The following ALG9 variants were observed in gnomAD, a reference collection of about 807,000 sequenced individuals.
ALG9 encodes the protein ALG9 alpha-1,2-mannosyltransferase, also known as alpha-1,2-mannosyltransferase ALG9.
ALG9 carries 55 observed loss-of-function variants against 81.8 expected under a neutral mutation model. The ratio of observed to expected loss-of-function variants is 0.67; its 90% CI spans 0.54 to 0.84. ALG9 has a LOEUF of 0.84. ALG9 is among the 40% of genes least tolerant of loss of function. The pLI is 0.00. For synonymous variants in ALG9, 278 were observed against 274.3 expected (o/e 1.01, Z -0.13); for missense variants, 629 against 745.0 (o/e 0.84, Z 1.81).
intron 6 of ALG9, among the ~76,000 whole-genome samples, chr11:111,856,951 T>C (rs1388436683): frequency 6.6e-6 from 1 of 151,914 alleles, no homozygotes; most frequent in Non-Finnish European, 1.5e-5. Context: ...TACTAAAAAA[T>C]ACAAAATTAG....
intron 13 of ALG9, among the ~76,000 whole-genome samples, chr11:111,832,329 T>C (rs1954514614): frequency 2.0e-5 from 3 of 152,164 alleles, no homozygotes; most frequent in Admixed American, 2.0e-4. Context: ...CAGGCTGGAG[T>C]GTAGTGGCAT....
At chr11:111,831,016 T>C (rs1256867327) in intron 13 of ALG9, among the ~76,000 whole-genome samples, 1 of 152,006 alleles carries the variant, frequency 6.6e-6, no homozygotes, top group Non-Finnish European at 1.5e-5. Flanking sequence ...ACAAAAAATT[T>C]AAAAATTAGC....
chr11:111,866,162 T>C lies in ALG9; in HGVS notation c.406-911A>G, dbSNP rs543001587. Among the ~76,000 whole-genome samples the C allele has an allele frequency of 5.9e-5, 9 of 152,176 alleles. No individual in the cohort carries two copies. In the South Asian group the frequency reaches 1.9e-3, roughly 32 times the overall value. On this transcript the variant is annotated intron_variant, in intron 3 of 14. Transcript: ENST00000616540. ...ATACAAAAAAATTAGCCAGGCATGG[T>C]GGCGGGCAACTGTAACCCCAGCTAC...
chr11:111,800,221 C>G (rs1179331112), intron 14 of ALG9, among the ~76,000 whole-genome samples: 1 of 152,116 alleles, frequency 6.6e-6, no homozygotes, highest in Admixed American at 6.5e-5. Flanking sequence ...TGGCTCACAC[C>G]TGTAATCCCA....
In ALG9 at chr11:111,838,283, G is replaced by C. The variant is rs1817696073; in HGVS notation, c.1290C>G (p.Leu430=). 1 of 1,614,154 alleles carries C rather than the reference G, an allele frequency of 6.2e-7. No homozygotes were observed. Among genetic ancestry groups the C allele is most frequent in the South Asian group, 1.1e-5 (1 of 91,084 alleles). ...LALGTVFLFG[L]LSFSRSVALF... is the part of the protein sequence containing the mutation. ...GTGCCACAGAGCGAGAAAATGACAA[G>C]AGCCCAAACAGGAAGACAGTTCCTA... Residue 430 remains leucine (L), a synonymous_variant, in exon 11 of 15, where the codon CTC becomes CTG. Transcript: ENST00000616540.
At chr11:111,769,921 T>A in the ALG9 span, among the ~76,000 whole-genome samples, 1 of 152,040 alleles carries the variant, frequency 6.6e-6, no homozygotes. Flanking sequence ...TGGACTTCAG[T>A]TCCCATCTCT....
chr11:111,827,631 C>T (rs1953577423), intron 13 of ALG9, among the ~76,000 whole-genome samples: 1 of 152,096 alleles, frequency 6.6e-6, no homozygotes, highest in Non-Finnish European at 1.5e-5. Context: ...CTTTGGGAGG[C>T]CAAGGCAGGT....
intron 14 of ALG9, among the ~76,000 whole-genome samples, chr11:111,791,597 TG>T (rs1947421689): frequency 2.0e-5 from 3 of 152,218 alleles, no homozygotes; most frequent in Non-Finnish European, 4.4e-5. Context: ...AGCCCTTGCC[TG>T]ATTGTTCCAC....
chr11:111,775,449 T>A, the ALG9 span, among the ~76,000 whole-genome samples: 4 of 152,186 alleles, frequency 2.6e-5, no homozygotes, highest in East Asian at 7.7e-4. Flanking sequence ...ATCAACTCCC[T>A]CTCTGATTTA....
chr11:111,824,516 TA>T (rs1194790817), intron 13 of ALG9, among the ~76,000 whole-genome samples: 1 of 152,222 alleles, frequency 6.6e-6, no homozygotes, highest in African/African-American at 2.4e-5. Context: ...ATCAGATGTA[TA>T]AACTTTGAGT....
rs1347100707 is a variant in ALG9, at chr11:111,840,574, T to A, written c.1173+81A>T. 3.9e-6 allele frequency: 6 copies of A among 1,527,792 alleles called. No individual in the cohort carries two copies. In the African/African-American group the frequency reaches 5.5e-5, roughly 14 times the overall value. The allele number at this position is 1,527,792 out of a possible 1,614,324, so 94.6% of individuals were successfully genotyped here. ...TAAAATATCTTAGGTGGAAGCATTC[T>A]GTAATTTGCACTTAAGTTTGTGAGC... On this transcript the variant is annotated intron_variant, in intron 10 of 14. Transcript: ENST00000616540.
In ALG9 at chr11:111,871,484, G is replaced by A. The variant is rs1964272171; in HGVS notation, c.-2C>T. On this transcript the variant is annotated 5_prime_UTR_variant, in exon 1 of 15. Coordinates refer to ENST00000616540, the MANE Select transcript of ALG9 (RefSeq NM_024740.2). Reference sequence around the variant, plus strand: ...CTGCCGAGCCCCTCGACTAGCCATGGCAAGCCTGGGGAAAAAAGAATTCGG... The same window carrying A: ...CTGCCGAGCCCCTCGACTAGCCATGACAAGCCTGGGGAAAAAAGAATTCGG... The A allele has an allele frequency of 1.3e-6, 2 of 1,536,504 alleles. No homozygotes were observed. The highest frequency in any genetic ancestry group is 1.7e-6 in the Non-Finnish European group (2 of 1,146,606).
chr11:111,786,180 CA>C lies in ALG9; in HGVS notation c.*216del. On this transcript the variant is annotated 3_prime_UTR_variant, in exon 15 of 15. Coordinates refer to ENST00000616540, the MANE Select transcript of ALG9 (RefSeq NM_024740.2). Reference sequence around the variant, plus strand: ...TTTAGGGCCTTTCTCTGCCTAGCTGCAAAAAGTTTACATGCAGAACAGAGAC... The same window carrying C: ...TTTAGGGCCTTTCTCTGCCTAGCTGCAAAAGTTTACATGCAGAACAGAGAC... The C allele has an allele frequency of 1.5e-6, 1 of 685,586 alleles. No homozygotes were observed. The allele number at this position is 685,586 out of a possible 1,614,324, so 42.5% of individuals were successfully genotyped here. A position where few individuals can be genotyped will look rare whatever the true frequency, so the allele number is the denominator to read the frequency against.
intron 5 of ALG9, 50 bp downstream of exon 5, chr11:111,860,497 T>C (rs782592309): frequency 4.0e-6 from 6 of 1,511,176 alleles, no homozygotes; most frequent in Non-Finnish European, 5.5e-6. Context: ...ATCTGCCCTT[T>C]TACTTACCTG....
At chr11:111,870,904 T>C in intron 1 of ALG9, 2 of 998,090 alleles carry the variant, frequency 2.0e-6, no homozygotes, top group Non-Finnish European at 2.4e-6. Flanking sequence ...CCTACTCCAA[T>C]TCCATATGTT....
At chr11:111,768,605 A>G in the ALG9 span, 2 of 152,078 alleles carry the variant, frequency 1.3e-5, no homozygotes, top group African/African-American at 2.4e-5. Flanking sequence ...TAAAATAATA[A>G]TAATAATGAC....
At chr11:111,797,076 T>G (rs1948403775) in intron 14 of ALG9, among the ~76,000 whole-genome samples, 1 of 152,210 alleles carries the variant, frequency 6.6e-6, no homozygotes, top group Non-Finnish European at 1.5e-5. Context: ...TTATCCAATT[T>G]GGATGGAGAA....
chr11:111,824,910 G>C (rs1325965380), intron 13 of ALG9, among the ~76,000 whole-genome samples: 66 of 152,178 alleles, frequency 4.3e-4, no homozygotes, highest in Admixed American at 4.3e-3. Flanking sequence ...AGAGAATTCG[G>C]AAACATCTGT....
chr11:111,850,632 G>T (rs189062832), intron 8 of ALG9, among the ~76,000 whole-genome samples: 1 of 147,550 alleles, frequency 6.8e-6, no homozygotes, highest in Non-Finnish European at 1.5e-5. Flanking sequence ...GCTTGAATCC[G>T]GGAGGCAGAG....
Sources: gnomAD v4.1 joint callset for allele counts (sites outside exome capture counted in the v4.1 genomes callset) on GRCh38, gnomAD v4.1.1 for gene constraint, MANE v1.5 for transcripts, NCBI Gene and HGNC (gene_info 2026-07-23, HGNC 2026-07-21) for gene names.